The following FHL1 variants were observed in gnomAD, a reference collection of about 807,000 sequenced individuals.
The protein encoded by FHL1 is four and a half LIM domains 1, also known as four and a half LIM domains protein 1.
A neutral mutation model predicts 20.3 loss-of-function variants in FHL1; 1 was observed. The observed-to-expected ratio is 0.05, with a 90% CI of 0.02 to 0.23. The LOEUF (loss-of-function observed/expected upper bound fraction) is 0.23, where lower values mean the gene tolerates loss of function less well. Ranked by LOEUF, FHL1 falls within the 10% of genes least tolerant of loss-of-function variation. The pLI is 1.00. For synonymous variants in FHL1, 82 were observed against 88.9 expected (o/e 0.92, Z 0.44); for missense variants, 177 against 234.0 (o/e 0.76, Z 1.59).
At chrX:136,191,408 A>G (rs933672710) in intron 2 of FHL1, among the ~76,000 whole-genome samples, 5 of 111,568 alleles carry the variant, frequency 4.5e-5, no homozygotes, top group African/African-American at 1.6e-4. Context: ...AAAATAGACA[A>G]TGCTATTGCC....
At chrX:136,168,830 G>T (rs1413758547), upstream of FHL1, among the ~76,000 whole-genome samples, 1 of 111,848 alleles carries the variant, frequency 8.9e-6, no homozygotes, top group Non-Finnish European at 1.9e-5. Context: ...TCCACTGCCT[G>T]TGTGACGATC....
chrX:136,183,033 G>T (rs956363952), intron 2 of FHL1, among the ~76,000 whole-genome samples: 3 of 107,443 alleles, frequency 2.8e-5, no homozygotes, highest in African/African-American at 6.8e-5. Flanking sequence ...GGAGGCAGAG[G>T]TTGCAGTGAG....
intron 1 of FHL1, among the ~76,000 whole-genome samples, 181 bp downstream of exon 1, chrX:136,197,315 T>C (rs1385270746): frequency 2.7e-5 from 3 of 112,532 alleles, no homozygotes; most frequent in Non-Finnish European, 5.6e-5. Context: ...AAAATATTGT[T>C]CAAGTACAAT....
intron 2 of FHL1, among the ~76,000 whole-genome samples, chrX:136,177,295 A>G (rs1432452604): frequency 9.0e-6 from 1 of 111,721 alleles, no homozygotes; most frequent in African/African-American, 3.2e-5. Flanking sequence ...GAAGTCCACA[A>G]TAAAGATTGG....
At chrX:136,188,484 G>A (rs1450299511) in intron 2 of FHL1, among the ~76,000 whole-genome samples, 1 of 111,220 alleles carries the variant, frequency 9.0e-6, no homozygotes, top group Non-Finnish European at 1.9e-5. Flanking sequence ...ATTATGATAG[G>A]AGGAGATTAA....
intron 2 of FHL1, among the ~76,000 whole-genome samples, chrX:136,172,185 C>T (rs941481947): frequency 1.8e-4 from 20 of 111,975 alleles, no homozygotes; most frequent in African/African-American, 5.8e-4. Context: ...TGAGCCACTG[C>T]GCCCGGCCAA....
intron 2 of FHL1, among the ~76,000 whole-genome samples, chrX:136,187,457 A>G (rs184684389): frequency 1.8e-5 from 2 of 112,681 alleles, no homozygotes; most frequent in East Asian, 2.8e-4. Context: ...ACAATGGACT[A>G]TTATTCAGCC....
chrX:136,208,371 CGCCCAGCACAGT>C, intron 4 of FHL1, 72 bp from the exon 5 acceptor site: 1 of 1,008,982 alleles, frequency 9.9e-7, no homozygotes, highest in African/African-American at 1.9e-5. Flanking sequence ...TATACCAAAG[CGCCCAGCACAGT>C]GCCTGGCACG....
chrX:136,202,843 C>T (rs1051665517), intron 1 of FHL1, among the ~76,000 whole-genome samples: 4 of 112,492 alleles, frequency 3.6e-5, no homozygotes, highest in Non-Finnish European at 7.5e-5. Context: ...AGCCCACACT[C>T]AGGATCTTTG....
upstream of FHL1, among the ~76,000 whole-genome samples, chrX:136,165,735 CAATT>C (rs1240182344): frequency 1.8e-5 from 2 of 112,029 alleles, no homozygotes; most frequent in African/African-American, 3.2e-5. Flanking sequence ...GTAATTCACA[CAATT>C]GATTGGTGAT....
At chrX:136,148,331 T>G (rs2072165179) in intron 1 of FHL1, 1 of 47,977 alleles carries the variant, frequency 2.1e-5, no homozygotes, top group Non-Finnish European at 3.7e-5. Flanking sequence ...GGGGGTGGGG[T>G]GCAGAATAAG....
chrX:136,210,371 C>CA lies in FHL1; in HGVS notation c.*347dup, dbSNP rs1285675390. The CA allele has an allele frequency of 1.7e-5, 7 of 400,290 alleles. No homozygotes were observed. The highest frequency in any genetic ancestry group is 1.7e-4 in the African/African-American group (7 of 41,165). The allele number at this position is 400,290 out of a possible 1,213,427, so 33.0% of individuals were successfully genotyped here. ...CAAGAAGCATAGGAGATAAAACCCC[C>CA]ACTGAGATGCCTCTCATGCCTCAGC... On this transcript the variant is annotated 3_prime_UTR_variant, in exon 6 of 6. Coordinates refer to ENST00000370683, the MANE Select transcript of FHL1 (RefSeq NM_001159699.2).
intron 5 of FHL1, 22 bp from the exon 6 acceptor site, chrX:136,209,849 T>G: frequency 1.7e-6 from 2 of 1,205,088 alleles, no homozygotes. Context: ...TTTTCTTTTC[T>G]TTTCTTTTTT....
At chrX:136,182,758 C>G (rs1055859744) in intron 2 of FHL1, 1 of 112,216 alleles carries the variant, frequency 8.9e-6, no homozygotes, top group African/African-American at 3.2e-5. Flanking sequence ...AAACAAATTT[C>G]TGCTGTGTTC....
intron 1 of FHL1, among the ~76,000 whole-genome samples, chrX:136,151,157 G>A (rs1309936165): frequency 8.9e-6 from 1 of 112,271 alleles, no homozygotes; most frequent in Non-Finnish European, 1.9e-5. Context: ...TTTGCCCCCC[G>A]GGGTCACTCA....
chrX:136,208,388 G>T (rs1322923448), intron 4 of FHL1, 67 bp from the exon 5 acceptor site: 1 of 1,121,623 alleles, frequency 8.9e-7, no homozygotes, highest in African/African-American at 1.8e-5. Context: ...CACAGTGCCT[G>T]GCACGCAGTA....
At chrX:136,209,789 C>A in intron 5 of FHL1, 82 bp from the exon 6 acceptor site, 1 of 1,082,508 alleles carries the variant, frequency 9.2e-7, no homozygotes, top group Non-Finnish European at 1.3e-6. Context: ...GTCATTTTAT[C>A]TCTCTGAATC....
At chrX:136,208,376 A>G in intron 4 of FHL1, 79 bp from the exon 5 acceptor site, 1 of 1,068,731 alleles carries the variant, frequency 9.4e-7, no homozygotes, top group Non-Finnish European at 1.3e-6. Context: ...CAAAGCGCCC[A>G]GCACAGTGCC....
At chrX:136,169,565 C>A (rs2072805166), upstream of FHL1, 1 of 247,090 alleles carries the variant, frequency 4.0e-6, no homozygotes, top group Admixed American at 5.5e-5. Context: ...ACGACTGAGT[C>A]ATTTGTTTTG....
Sources: allele counts gnomAD v4.1 joint callset (sites outside exome capture counted in the v4.1 genomes callset), GRCh38; gene constraint gnomAD v4.1.1; transcripts MANE v1.5; gene names NCBI Gene and HGNC (gene_info 2026-07-23, HGNC 2026-07-21).